The following MAF variants were observed in gnomAD, a reference collection of about 807,000 sequenced individuals.
MAF encodes MAF bZIP transcription factor, also known as transcription factor Maf.
Under a neutral mutation model 22.0 loss-of-function variants are expected in MAF, and 10 were observed. That is an observed-to-expected ratio of 0.45 (90% CI 0.28 to 0.77). The LOEUF is 0.77. Among genes scored for constraint, MAF ranks in the 30% least tolerant of loss-of-function variants. MAF has a pLI of 0.12. For synonymous variants in MAF, 337 were observed against 255.8 expected, an observed-to-expected ratio of 1.32 and a Z score of -3.03; for missense variants, 544 against 548.4, an observed-to-expected ratio of 0.99 and a Z score of 0.08.
At chr16:79,306,728 T>C in the MAF span, among the ~76,000 whole-genome samples, 2 of 152,192 alleles carry the variant, frequency 1.3e-5, no homozygotes, top group African/African-American at 4.8e-5. Context: ...TTCGTTCTTA[T>C]CTTGGGCTGG....
At chr16:79,467,566 G>C in the MAF span, among the ~76,000 whole-genome samples, 2 of 152,190 alleles carry the variant, frequency 1.3e-5, no homozygotes, top group African/African-American at 4.8e-5. Context: ...TCCAGAGCTC[G>C]TGCCCTTAAC....
At chr16:79,333,256 A>T in the MAF span, among the ~76,000 whole-genome samples, 1 of 152,064 alleles carries the variant, frequency 6.6e-6, no homozygotes, top group African/African-American at 2.4e-5. Context: ...TCCCTTCCAG[A>T]TGAGGCCTGT....
chr16:79,404,660 T>C, the MAF span, among the ~76,000 whole-genome samples: 2 of 151,834 alleles, frequency 1.3e-5, no homozygotes, highest in African/African-American at 2.4e-5. Flanking sequence ...GCAGCCTGAA[T>C]ACTACTTATT....
the MAF span, among the ~76,000 whole-genome samples, chr16:79,404,827 C>G: frequency 6.6e-6 from 1 of 152,138 alleles, no homozygotes; most frequent in South Asian, 2.1e-4. Flanking sequence ...GCTAATGAAG[C>G]AGCAAGTCCC....
the MAF span, among the ~76,000 whole-genome samples, chr16:79,466,080 G>C: frequency 2.0e-4 from 30 of 152,228 alleles, no homozygotes; most frequent in South Asian, 6.0e-3. Flanking sequence ...AAAGTAACAG[G>C]GCTGGACAGT....
At chr16:79,470,132 C>T in the MAF span, among the ~76,000 whole-genome samples, 194 of 152,316 alleles carry the variant, frequency 1.3e-3, no homozygotes, top group Middle Eastern at 6.8e-3. Context: ...GGCATTTTTC[C>T]GGGATGTGCT....
chr16:79,279,024 T>A, the MAF span, among the ~76,000 whole-genome samples: 2 of 152,192 alleles, frequency 1.3e-5, no homozygotes, highest in African/African-American at 4.8e-5. Flanking sequence ...GCTTCCTATT[T>A]TCTGGGGGAA....
At chr16:79,394,403 C>A in the MAF span, among the ~76,000 whole-genome samples, 1 of 152,126 alleles carries the variant, frequency 6.6e-6, no homozygotes, top group Admixed American at 6.5e-5. Flanking sequence ...TCCCACAGGC[C>A]AAATTGGTTC....
At chr16:79,258,008 T>C in the MAF span, among the ~76,000 whole-genome samples, 1 of 152,166 alleles carries the variant, frequency 6.6e-6, no homozygotes, top group African/African-American at 2.4e-5. Flanking sequence ...AATTTTAAAA[T>C]GAGAATAAAA....
the MAF span, among the ~76,000 whole-genome samples, chr16:79,550,716 G>C: frequency 6.6e-6 from 1 of 152,080 alleles, no homozygotes; most frequent in Non-Finnish European, 1.5e-5. Context: ...GCCTAGTTTG[G>C]GTATGGTAGG....
At chr16:79,367,005 G>A in the MAF span, among the ~76,000 whole-genome samples, 1 of 152,134 alleles carries the variant, frequency 6.6e-6, no homozygotes, top group Admixed American at 6.6e-5. Context: ...AACTCCTCAT[G>A]AAAATGCTTT....
chr16:79,388,971 T>C, the MAF span, among the ~76,000 whole-genome samples: 2 of 152,148 alleles, frequency 1.3e-5, no homozygotes, highest in Admixed American at 6.5e-5. Flanking sequence ...CTTACTACTG[T>C]CCTATAAGGA....
At chr16:79,458,109 A>AGAGT in the MAF span, among the ~76,000 whole-genome samples, 1 of 136,328 alleles carries the variant, frequency 7.3e-6, no homozygotes, top group African/African-American at 2.6e-5. Flanking sequence ...GGTATGTATA[A>AGAGT]GTGTGTGTGT....
chr16:79,341,640 A>G, the MAF span, among the ~76,000 whole-genome samples: 10 of 152,218 alleles, frequency 6.6e-5, no homozygotes, highest in African/African-American at 2.2e-4. Context: ...TAGGTTGGCT[A>G]TTGAAGACTT....
chr16:79,454,009 G>A, the MAF span, among the ~76,000 whole-genome samples: 1 of 152,078 alleles, frequency 6.6e-6, no homozygotes, highest in African/African-American at 2.4e-5. Context: ...AATTAGGATA[G>A]CCAAAATGTA....
At chr16:79,558,061 G>C in the MAF span, among the ~76,000 whole-genome samples, 1 of 151,932 alleles carries the variant, frequency 6.6e-6, no homozygotes, top group Admixed American at 6.6e-5. Context: ...TGTGACACCT[G>C]TCCTGGAAAC....
chr16:79,570,389 C>T, the MAF span, among the ~76,000 whole-genome samples: 4 of 152,090 alleles, frequency 2.6e-5, no homozygotes, highest in Non-Finnish European at 5.9e-5. Context: ...CAGCCATGTT[C>T]CCTCCTATCC....
At chr16:79,370,786 A>G in the MAF span, among the ~76,000 whole-genome samples, 1 of 152,134 alleles carries the variant, frequency 6.6e-6, no homozygotes, top group African/African-American at 2.4e-5. Flanking sequence ...AAACTCCAGA[A>G]TCCACCTCCC....
At chr16:79,361,720 G>A in the MAF span, among the ~76,000 whole-genome samples, 66,701 of 151,726 alleles carry the variant, frequency 0.44, 16,182 homozygotes, top group Non-Finnish European at 0.57. Flanking sequence ...AGATTTGGTG[G>A]TCTTTCATCT....
Sources: gnomAD v4.1 joint callset for allele counts (sites outside exome capture counted in the v4.1 genomes callset) on GRCh38, gnomAD v4.1.1 for gene constraint, MANE v1.5 for transcripts, NCBI Gene and HGNC (gene_info 2026-07-23, HGNC 2026-07-21) for gene names.